Variants in ACAA2 observed in about 807,000 individuals in gnomAD.
ACAA2 encodes the protein 3-ketoacyl-CoA thiolase, mitochondrial.
In ACAA2, 35 loss-of-function variants were observed where a neutral mutation model predicts 44.8. That is an observed-to-expected ratio of 0.78 (90% CI 0.60 to 1.04). ACAA2 has a LOEUF of 1.04. Ranked by LOEUF, ACAA2 falls within the 50% of genes least tolerant of loss-of-function variation. The pLI is 0.00. For synonymous variants in ACAA2, 142 were observed against 166.5 expected (o/e 0.85, Z 1.13); for missense variants, 468 against 482.6 (o/e 0.97, Z 0.28).
At position 49,804,892 on chromosome 18, in the gene ACAA2, C is replaced by T. The variant is rs144313656; in HGVS notation, c.17-2039G>A. 6.3e-3 allele frequency among the ~76,000 whole-genome samples: 953 copies of T among 152,206 alleles called. 1 individual carries two copies. The highest frequency in any genetic ancestry group is 7.3e-3 in the Non-Finnish European group (496 of 68,002). ...TCATTAGAGCTGTACAGTGCAAAAC[C>T]GGCATATCAGTAAGCAGCATCAGTT... On this transcript the variant is annotated intron_variant, in intron 1 of 9. Transcript: ENST00000285093.
intron 2 of ACAA2, among the ~76,000 whole-genome samples, chr18:49,801,814 A>ATATATATC (rs1491158195): frequency 2.6e-4 from 35 of 135,000 alleles, no homozygotes; most frequent in African/African-American, 9.5e-4. Flanking sequence ...ATATATATAT[A>ATATATATC]TCTTATCTTT....
Position 49,794,410 on chromosome 18 carries a change from C to A in ACAA2, c.447G>T (p.Trp149Cys), listed in dbSNP as rs2023441171. The A allele has an allele frequency of 6.3e-7, 1 of 1,584,582 alleles. No individual in the cohort carries two copies. Reference protein sequence around the residue: ...GSDIKLEDSLWVSLTDQHVQL... With the variant: ...GSDIKLEDSLCVSLTDQHVQL... ...GGACATGCTGATCTGTTAATGATAC[C>A]CATAAAGAATCTTCCAGCTATTAAA... Residue 149 changes from tryptophan (W) to cysteine (C), a missense_variant, in exon 5 of 10, where the codon TGG becomes TGT. Physicochemically the swap from Trp to Cys is radical, Grantham distance 215. Transcript: ENST00000285093.
chr18:49,809,719 A>C (rs1295444290), intron 1 of ACAA2, among the ~76,000 whole-genome samples: 1 of 152,230 alleles, frequency 6.6e-6, no homozygotes, highest in Non-Finnish European at 1.5e-5. Flanking sequence ...AGGGGTTCAG[A>C]GACAGGGATA....
Position 49,791,576 on chromosome 18 carries a change from A to C in ACAA2, c.777T>G (p.Ala259=). Residue 259 remains alanine (A), a synonymous_variant, in exon 7 of 10, where the codon GCT becomes GCG. Coordinates refer to ENST00000285093, the MANE Select transcript of ACAA2 (RefSeq NM_006111.3). The stretch of plus-strand genomic sequence containing the variant: ...CAGCATCTTCACTAGCTATGATAAC[A>C]GCTCCAGCACCATCAGCTACACCCT... ...NASGVADGAG[A]VIIASEDAVK... is the part of the protein sequence containing the mutation. The C allele has an allele frequency of 6.2e-7, 1 of 1,613,648 alleles. No individual in the cohort carries two copies. The highest frequency in any genetic ancestry group is 8.5e-7 in the Non-Finnish European group (1 of 1,179,896).
At chr18:49,790,817 TAA>T (rs1165689376) in intron 7 of ACAA2, among the ~76,000 whole-genome samples, 1 of 152,218 alleles carries the variant, frequency 6.6e-6, no homozygotes, top group Non-Finnish European at 1.5e-5. Flanking sequence ...AATCTAATTA[TAA>T]GTCTTTATTT....
chr18:49,813,405 G>C, intron 1 of ACAA2, 64 bp downstream of exon 1: 1 of 1,194,440 alleles, frequency 8.4e-7, no homozygotes, highest in South Asian at 4.3e-5. Context: ...GCCGGAAGCG[G>C]AGGCCTGGCC....
intron 1 of ACAA2, among the ~76,000 whole-genome samples, chr18:49,806,302 C>T (rs890674133): frequency 2.0e-5 from 3 of 152,094 alleles, no homozygotes; most frequent in African/African-American, 7.2e-5. Context: ...CACCATAGAG[C>T]GAGATTCCAA....
In ACAA2 at chr18:49,783,374, T is replaced by G. The variant is rs2023288351; in HGVS notation, c.*473A>C. 1 of 152,626 alleles carries G rather than the reference T, an allele frequency of 6.6e-6. No homozygotes were observed. Among genetic ancestry groups the G allele is most frequent in the South Asian group, 2.1e-4 (1 of 4,864 alleles). 9.5% of individuals were successfully genotyped at this position (152,626 alleles called of 1,614,324 possible). On this transcript the variant is annotated 3_prime_UTR_variant, in exon 10 of 10. Transcript: ENST00000285093. ...TTGATAAAAAGTGGGGATGTTTGTATAAAAATGTGAATGTACTTAATACCA... is the reference window on the plus strand; with the variant it reads ...TTGATAAAAAGTGGGGATGTTTGTAGAAAAATGTGAATGTACTTAATACCA...
chr18:49,785,270 C>T lies in ACAA2; in HGVS notation c.1036G>A (p.Gly346Arg), dbSNP rs971360087. ...AGTGGGTGACCCAAAGCAATGGCTCCTCCATTCACATTGGTTTTACTTATG... is the reference window on the plus strand; with the variant it reads ...AGTGGGTGACCCAAAGCAATGGCTCTTCCATTCACATTGGTTTTACTTATG... ...LDISKTNVNG[G>R]AIALGHPLGG... is the part of the protein sequence containing the mutation. Residue 346 changes from glycine (G) to arginine (R), a missense_variant, in exon 9 of 10, where the codon GGA becomes AGA. Physicochemically the swap from Gly to Arg is moderately radical, Grantham distance 125 (BLOSUM62 -2). Transcript: ENST00000285093. 5 of 1,613,976 alleles carry T rather than the reference C, an allele frequency of 3.1e-6. No individual in the cohort carries two copies. The highest frequency in any genetic ancestry group is 4.2e-6 in the Non-Finnish European group (5 of 1,179,936).
intron 1 of ACAA2, among the ~76,000 whole-genome samples, chr18:49,809,907 A>G (rs1003663354): frequency 3.3e-5 from 5 of 152,246 alleles, no homozygotes; most frequent in African/African-American, 7.2e-5. Flanking sequence ...TAGCTCATCA[A>G]TTGTAACAAA....
Position 49,802,830 on chromosome 18 carries a change from G to T in ACAA2, c.40C>A (p.Arg14=). Reference sequence around the variant, plus strand: ...CCTCCGTAAGCTCCAAAGGGCGTTCGCTTAGCAGCAACTACAAACACACCT... The same window carrying T: ...CCTCCGTAAGCTCCAAAGGGCGTTCTCTTAGCAGCAACTACAAACACACCT... ...LRGVFVVAAK[R]TPFGAYGGLL... Residue 14 remains arginine, a synonymous_variant, in exon 2 of 10, where the codon CGA becomes AGA. Coordinates refer to ENST00000285093, the MANE Select transcript of ACAA2 (RefSeq NM_006111.3). The T allele has an allele frequency of 6.2e-7, 1 of 1,613,954 alleles. No homozygotes were observed. Among genetic ancestry groups the T allele is most frequent in the Non-Finnish European group, 8.5e-7 (1 of 1,179,952 alleles).
intron 3 of ACAA2, 124 bp from the exon 4 acceptor site, chr18:49,796,005 T>A: frequency 5.0e-6 from 3 of 603,910 alleles, no homozygotes; most frequent in African/African-American, 1.9e-5. Context: ...TTACAGTGTC[T>A]CAAAAGGAAA....
chr18:49,806,975 A>C (rs2023615967), intron 1 of ACAA2, among the ~76,000 whole-genome samples: 1 of 152,236 alleles, frequency 6.6e-6, no homozygotes, highest in African/African-American at 2.4e-5. Context: ...ACAAAGCCAG[A>C]ACCTCAAGGT....
intron 1 of ACAA2, among the ~76,000 whole-genome samples, chr18:49,809,298 TG>T (rs2023643432): frequency 6.6e-6 from 1 of 152,210 alleles, no homozygotes; most frequent in African/African-American, 2.4e-5. Flanking sequence ...ATCATCACAG[TG>T]GACCTGAGGT....
intron 1 of ACAA2, among the ~76,000 whole-genome samples, chr18:49,803,932 CAG>C (rs774570993): frequency 4.6e-3 from 614 of 134,072 alleles, no homozygotes; most frequent in Middle Eastern, 9.5e-3. Flanking sequence ...TTTTTGGAGA[CAG>C]AGTTTTGCTC....
intron 8 of ACAA2, among the ~76,000 whole-genome samples, chr18:49,786,792 T>G (rs948532706): frequency 6.6e-6 from 1 of 152,162 alleles, no homozygotes; most frequent in African/African-American, 2.4e-5. Context: ...TAAATTTAAG[T>G]TCCAGTGTCA....
At chr18:49,788,815 CCAGACCACTGTT>C (rs1049394996) in intron 7 of ACAA2, among the ~76,000 whole-genome samples, 3 of 152,170 alleles carry the variant, frequency 2.0e-5, no homozygotes, top group Non-Finnish European at 2.9e-5. Flanking sequence ...AGGACTCTTC[CCAGACCACTGTT>C]ATTTACTGGG....
At chr18:49,807,788 A>T (rs1469021720) in intron 1 of ACAA2, among the ~76,000 whole-genome samples, 2 of 151,272 alleles carry the variant, frequency 1.3e-5, no homozygotes, top group African/African-American at 4.9e-5. Context: ...CCGTGTTCAC[A>T]CCACTGTACT....
At chr18:49,804,413 A>G (rs1161398965) in intron 1 of ACAA2, among the ~76,000 whole-genome samples, 1 of 152,162 alleles carries the variant, frequency 6.6e-6, no homozygotes, top group East Asian at 1.9e-4. Context: ...TACTCTTAGA[A>G]AAAAAATGGG....
Sources: gnomAD v4.1 joint callset for allele counts (sites outside exome capture counted in the v4.1 genomes callset) on GRCh38, gnomAD v4.1.1 for gene constraint, MANE v1.5 for transcripts, NCBI Gene and HGNC (gene_info 2026-07-23, HGNC 2026-07-21) for gene names.